The following NCR3LG1 variants were observed in gnomAD, a reference collection of about 807,000 sequenced individuals.
NCR3LG1 encodes natural cytotoxicity triggering receptor 3 ligand 1.
A neutral mutation model predicts 34.8 loss-of-function variants in NCR3LG1; 35 were observed. The ratio of observed to expected loss-of-function variants is 1.01; its 90% confidence interval spans 0.77 to 1.33. The LOEUF (loss-of-function observed/expected upper bound fraction) is 1.33, where lower values mean the gene tolerates loss of function less well. NCR3LG1 is among the 40% of genes most tolerant of loss of function. The pLI, the probability that NCR3LG1 is intolerant of heterozygous loss-of-function variation, is 0.00. For missense variants in NCR3LG1, 452 were observed against 423.3 expected, an observed-to-expected ratio of 1.07 and a Z score of -0.60; for synonymous variants, 173 against 163.6, an observed-to-expected ratio of 1.06 and a Z score of -0.44.
At position 17,362,637 on chromosome 11, in the gene NCR3LG1, CT is replaced by C. The variant is rs760247874; in HGVS notation, c.422-4357del. On this transcript the variant is annotated intron_variant, in intron 2 of 4. Transcript: ENST00000338965. ...TTTGGAAGGTGATTTTTTTCTTCTT[CT>C]TTTTTTTTTTTTTTACTAGTTATTG... Among the ~76,000 whole-genome samples the C allele has an allele frequency of 2.0e-3, 202 of 101,568 alleles. 5 individuals are homozygous for C. The highest frequency in any genetic ancestry group is 2.8e-3 in the Non-Finnish European group (141 of 49,736). 66.6% of individuals were successfully genotyped at this position (101,568 alleles called of 152,430 possible).
In NCR3LG1 at chr11:17,372,542, C is replaced by A; in HGVS notation, c.*30C>A. On this transcript the variant is annotated 3_prime_UTR_variant, in exon 5 of 5. Coordinates refer to ENST00000338965, the MANE Select transcript of NCR3LG1 (RefSeq NM_001202439.3). Reference sequence around the variant, plus strand: ...CTGATGGACCTGGTGCCACTAGGGTCCAAGTTCCCTTTTCATTACAGGACC... The same window carrying A: ...CTGATGGACCTGGTGCCACTAGGGTACAAGTTCCCTTTTCATTACAGGACC... 1 of 654,866 alleles carries A rather than the reference C, an allele frequency of 1.5e-6. No homozygotes were observed. The highest frequency in any genetic ancestry group is 2.8e-6 in the Non-Finnish European group (1 of 362,352). 40.6% of individuals were successfully genotyped at this position (654,866 alleles called of 1,614,324 possible).
At chr11:17,369,929 A>T (rs1440906991) in intron 4 of NCR3LG1, among the ~76,000 whole-genome samples, 1 of 152,244 alleles carries the variant, frequency 6.6e-6, no homozygotes, top group Non-Finnish European at 1.5e-5. Flanking sequence ...ACAGCCTGAA[A>T]AATCAAACTG....
chr11:17,363,816 C>T (rs563852311), intron 2 of NCR3LG1, among the ~76,000 whole-genome samples: 2 of 151,920 alleles, frequency 1.3e-5, no homozygotes, highest in Admixed American at 6.6e-5. Context: ...AGGCTGGCCT[C>T]GAACTCCTGA....
At chr11:17,379,777 T>TAA (rs1347531372), downstream of NCR3LG1, among the ~76,000 whole-genome samples, 1 of 152,258 alleles carries the variant, frequency 6.6e-6, no homozygotes, top group East Asian at 1.9e-4. Flanking sequence ...AAATGTTTTT[T>TAA]AAAGCCACTG....
At chr11:17,352,177 C>CTTT (rs34454730) in intron 1 of NCR3LG1, 138 bp downstream of exon 1, 144 of 292,696 alleles carry the variant, frequency 4.9e-4, no homozygotes, top group South Asian at 9.6e-4. Context: ...ATTTCTTCTC[C>CTTT]TTTTTTTTTT....
chr11:17,354,102 G>GT (rs753801926), intron 1 of NCR3LG1, among the ~76,000 whole-genome samples: 25 of 152,218 alleles, frequency 1.6e-4, no homozygotes, highest in Non-Finnish European at 2.9e-4. Flanking sequence ...AGAACGTTAG[G>GT]TTTTATTTCA....
intron 1 of NCR3LG1, among the ~76,000 whole-genome samples, chr11:17,352,592 T>C (rs1376150049): frequency 6.6e-6 from 1 of 152,204 alleles, no homozygotes; most frequent in Non-Finnish European, 1.5e-5. Context: ...GAAACGGTGC[T>C]TCCTTGGATG....
At position 17,375,609 on chromosome 11, in the gene NCR3LG1, T is replaced by G. The variant is rs1686513043; in HGVS notation, c.*3097T>G. 6.6e-6 allele frequency: 1 copy of G among 152,240 alleles called. No homozygotes were observed. Among genetic ancestry groups the G allele is most frequent in the Non-Finnish European group, 1.5e-5 (1 of 68,058 alleles). The allele number at this position is 152,240 out of a possible 1,614,324, so 9.4% of individuals were successfully genotyped here. On this transcript the variant is annotated 3_prime_UTR_variant, in exon 5 of 5. Coordinates refer to ENST00000338965, the MANE Select transcript of NCR3LG1 (RefSeq NM_001202439.3). ...AGGAAAGGCACTTCCTCACCGCTAA[T>G]GGGTCTTGCATTAAATACCATCAAG...
At chr11:17,364,067 T>G (rs539635083) in intron 2 of NCR3LG1, among the ~76,000 whole-genome samples, 2 of 152,302 alleles carry the variant, frequency 1.3e-5, no homozygotes, top group African/African-American at 2.4e-5. Flanking sequence ...TTCTGCTCCT[T>G]TCTCTTTTCT....
At chr11:17,352,179 T>A in intron 1 of NCR3LG1, 140 bp downstream of exon 1, 1 of 57,940 alleles carries the variant, frequency 1.7e-5, no homozygotes, top group Non-Finnish European at 2.8e-5. Context: ...TTCTTCTCCT[T>A]TTTTTTTTTT....
intron 2 of NCR3LG1, among the ~76,000 whole-genome samples, chr11:17,363,754 G>C (rs1475697562): frequency 6.6e-6 from 1 of 151,712 alleles, no homozygotes; most frequent in Non-Finnish European, 1.5e-5. Flanking sequence ...GTGCCACTAA[G>C]CATGGCTAAT....
chr11:17,355,223 TC>T (rs1406236339), intron 1 of NCR3LG1, among the ~76,000 whole-genome samples: 3 of 151,810 alleles, frequency 2.0e-5, no homozygotes, highest in Non-Finnish European at 4.4e-5. Flanking sequence ...TTAGTAAGAC[TC>T]CATCTCTACA....
chr11:17,371,509 C>G (rs1953405697), intron 4 of NCR3LG1, among the ~76,000 whole-genome samples: 2 of 150,892 alleles, frequency 1.3e-5, no homozygotes, highest in South Asian at 4.1e-4. Flanking sequence ...AACAGCCATT[C>G]AATTTTTACA....
chr11:17,357,022 C>A (rs967720157), intron 2 of NCR3LG1, 21 bp downstream of exon 2: 127 of 1,442,846 alleles, frequency 8.8e-5, no homozygotes, highest in Non-Finnish European at 9.1e-5. Flanking sequence ...CGGGGCAGTG[C>A]CCTACAGTTC....
At chr11:17,352,060 G>A in intron 1 of NCR3LG1, 21 bp downstream of exon 1, 12 of 1,403,156 alleles carry the variant, frequency 8.6e-6, no homozygotes, top group African/African-American at 1.5e-5. Context: ...GCTGGGGTGG[G>A]CTGGGGCGGG....
In NCR3LG1 at chr11:17,376,213, T is replaced by G. The variant is rs1437102741; in HGVS notation, c.*3701T>G. 1.3e-5 allele frequency: 2 copies of G among 152,198 alleles called. No individual in the cohort carries two copies. Among genetic ancestry groups the G allele is most frequent in the Non-Finnish European group, 2.9e-5 (2 of 68,034 alleles). The allele number at this position is 152,198 out of a possible 1,614,324, so 9.4% of individuals were successfully genotyped here. On this transcript the variant is annotated 3_prime_UTR_variant, in exon 5 of 5. Transcript: ENST00000338965. The stretch of plus-strand genomic sequence containing the variant: ...ATAAATGGCATTCAATGTCTTTTGG[T>G]GTGGGTGCATACCTTCATTAACTGG...
At chr11:17,353,525 A>G (rs1953165313) in intron 1 of NCR3LG1, among the ~76,000 whole-genome samples, 2 of 151,596 alleles carry the variant, frequency 1.3e-5, no homozygotes, top group Non-Finnish European at 1.5e-5. Flanking sequence ...CGCCGCGCCC[A>G]CCCGGTCCCA....
intron 1 of NCR3LG1, among the ~76,000 whole-genome samples, chr11:17,353,413 C>T (rs1168669599): frequency 2.0e-5 from 3 of 152,178 alleles, no homozygotes; most frequent in East Asian, 3.9e-4. Flanking sequence ...CTTGAAACGC[C>T]TGTCACTGCG....
At chr11:17,352,326 G>T (rs899595187) in intron 1 of NCR3LG1, among the ~76,000 whole-genome samples, 3 of 151,800 alleles carry the variant, frequency 2.0e-5, no homozygotes, top group African/African-American at 7.3e-5. Context: ...GACCACAGGC[G>T]CCCGCCACCA....
Sources: gnomAD v4.1 joint callset for allele counts (sites outside exome capture counted in the v4.1 genomes callset) on GRCh38, gnomAD v4.1.1 for gene constraint, MANE v1.5 for transcripts, NCBI Gene and HGNC (gene_info 2026-07-23, HGNC 2026-07-21) for gene names.